The following OPHN1 variants were observed in gnomAD, a reference collection of about 807,000 sequenced individuals.
The protein encoded by OPHN1 is oligophrenin-1.
In OPHN1, 11 loss-of-function variants were observed where a neutral mutation model predicts 60.7. The observed-to-expected ratio is 0.18, with a 90% CI of 0.11 to 0.30. OPHN1 has a LOEUF of 0.30. Ranked by LOEUF, OPHN1 falls within the 10% of genes least tolerant of loss-of-function variation. The probability of loss-of-function intolerance (pLI) is 1.00; values close to 1 mark genes in which losing one functional copy is unlikely to be tolerated. For synonymous variants in OPHN1, 226 were observed against 222.6 expected (o/e 1.02, Z -0.14); for missense variants, 449 against 611.0 (o/e 0.73, Z 2.80).
At chrX:68,314,545 AAAAAAT>A (rs1362312099) in intron 2 of OPHN1, among the ~76,000 whole-genome samples, 3 of 111,159 alleles carry the variant, frequency 2.7e-5, no homozygotes, top group African/African-American at 9.8e-5. Context: ...TCCCAACCAA[AAAAAAT>A]AAAAATAAAA....
At chrX:68,087,685 C>T (rs1277842502) in intron 19 of OPHN1, among the ~76,000 whole-genome samples, 1 of 111,960 alleles carries the variant, frequency 8.9e-6, no homozygotes, top group African/African-American at 3.2e-5. Context: ...TACAAAAAAA[C>T]ATTTTGCCTT....
At chrX:68,116,192 C>T (rs1335404637) in intron 16 of OPHN1, among the ~76,000 whole-genome samples, 1 of 111,167 alleles carries the variant, frequency 9.0e-6, no homozygotes, top group Non-Finnish European at 1.9e-5. Context: ...CCTAAAAGGG[C>T]ACCTGGCTCT....
chrX:68,270,145 T>C (rs1451960026), intron 5 of OPHN1, among the ~76,000 whole-genome samples: 1 of 111,309 alleles, frequency 9.0e-6, no homozygotes, highest in Non-Finnish European at 1.9e-5. Flanking sequence ...TTGGTGGGAC[T>C]GTAAACTAGT....
intron 10 of OPHN1, 143 bp downstream of exon 10, chrX:68,206,430 A>G: frequency 2.0e-6 from 1 of 507,832 alleles, no homozygotes; most frequent in Admixed American, 2.8e-5. Context: ...TCTGACTCAA[A>G]CTTAGGCCAA....
At chrX:68,420,275 A>G (rs2078820383) in intron 2 of OPHN1, among the ~76,000 whole-genome samples, 1 of 112,146 alleles carries the variant, frequency 8.9e-6, no homozygotes, top group Non-Finnish European at 1.9e-5. Context: ...AAGGGAATAA[A>G]AACAATGGGG....
At chrX:68,109,650 T>C (rs1011765289) in intron 18 of OPHN1, among the ~76,000 whole-genome samples, 5 of 111,907 alleles carry the variant, frequency 4.5e-5, no homozygotes, top group African/African-American at 1.6e-4. Context: ...TAAATGTGTG[T>C]GTATTCTTAC....
At chrX:68,101,199 G>A (rs1302626676) in intron 18 of OPHN1, among the ~76,000 whole-genome samples, 2 of 112,076 alleles carry the variant, frequency 1.8e-5, no homozygotes, top group African/African-American at 6.5e-5. Flanking sequence ...GTACCACTAA[G>A]AAAGAAAAGT....
chrX:68,187,270 G>T (rs1446726279), intron 15 of OPHN1, among the ~76,000 whole-genome samples: 1 of 111,616 alleles, frequency 9.0e-6, no homozygotes, highest in Admixed American at 9.5e-5. Flanking sequence ...GGAGAATTAA[G>T]GTTACAGATA....
At chrX:68,052,286 T>A in intron 23 of OPHN1, among the ~76,000 whole-genome samples, 1 of 61,158 alleles carries the variant, frequency 1.6e-5, no homozygotes, top group Non-Finnish European at 2.6e-5. Context: ...TGAGACACCA[T>A]CTCAAAAAAA....
At chrX:68,409,119 TC>T (rs916285281) in intron 2 of OPHN1, among the ~76,000 whole-genome samples, 3 of 112,465 alleles carry the variant, frequency 2.7e-5, no homozygotes, top group African/African-American at 9.7e-5. Flanking sequence ...AACTTTCATT[TC>T]CATGATCTCA....
At chrX:68,318,575 A>G (rs2147657666) in intron 2 of OPHN1, among the ~76,000 whole-genome samples, 1 of 112,704 alleles carries the variant, frequency 8.9e-6, no homozygotes, top group South Asian at 3.6e-4. Flanking sequence ...CAAAGAGAGT[A>G]CAGTTCCCAT....
chrX:68,376,788 C>G (rs1431756358), intron 2 of OPHN1, among the ~76,000 whole-genome samples: 1 of 111,649 alleles, frequency 9.0e-6, no homozygotes, highest in Non-Finnish European at 1.9e-5. Context: ...ATGAAAAATT[C>G]AATTACCACT....
chrX:68,377,450 C>A (rs1250290784), intron 2 of OPHN1, among the ~76,000 whole-genome samples: 1 of 104,848 alleles, frequency 9.5e-6, no homozygotes, highest in East Asian at 2.9e-4. Context: ...TATTATTATA[C>A]CTTAAGTTCT....
At chrX:68,175,619 CAA>C (rs953512306) in intron 15 of OPHN1, among the ~76,000 whole-genome samples, 11 of 111,278 alleles carry the variant, frequency 9.9e-5, no homozygotes, top group Non-Finnish European at 2.1e-4. Context: ...CAAGTAACTT[CAA>C]AAGTCTACCC....
At position 68,222,744 on chromosome X, in the gene OPHN1, C is replaced by A. The variant is rs184067397; in HGVS notation, c.487-8772G>T. Among the ~76,000 whole-genome samples, 316 of 88,737 alleles carry A rather than the reference C, an allele frequency of 3.6e-3. 1 individual carries two copies. Among genetic ancestry groups the A allele is most frequent in the African/African-American group, 0.011 (254 of 22,864 alleles). The allele number at this position is 88,737 out of a possible 115,157, so 77.1% of individuals were successfully genotyped here. On this transcript the variant is annotated intron_variant, in intron 6 of 24. Transcript: ENST00000355520. Reference sequence around the variant, plus strand: ...ATTGAACAATGAGATCACATGGACACAGGAAGAGGAGTATCACACTCTGGG... The same window carrying A: ...ATTGAACAATGAGATCACATGGACAAAGGAAGAGGAGTATCACACTCTGGG...
At chrX:68,317,247 C>G (rs1028373212) in intron 2 of OPHN1, among the ~76,000 whole-genome samples, 2 of 103,616 alleles carry the variant, frequency 1.9e-5, no homozygotes, top group Admixed American at 2.2e-4. Context: ...CTGCAGTGAA[C>G]CCTGATGGTG....
Position 68,052,543 on chromosome X carries a change from C to A in OPHN1, c.2372G>T (p.Gly791Val). ...TTTTGTCACCTCCATATCTTACCTT[C>A]CTGTTTTCCGGGAAGCTGTTTCAAA... ...RFFETASRKT[G>V]SSQGRLPGDE... The change falls in exon 23 of 25, where the codon GGA becomes GTA. Residue 791 changes from glycine (G) to valine (V), a missense_variant. This residue lies in a region of OPHN1 where 184 missense variants were observed against 160.5 expected (regional missense o/e 1.15). Transcript: ENST00000355520. 1 of 1,205,791 alleles carries A rather than the reference C, an allele frequency of 8.3e-7. No individual in the cohort carries two copies. Among genetic ancestry groups the A allele is most frequent in the Non-Finnish European group, 1.1e-6 (1 of 892,191 alleles).
At chrX:68,064,311 C>A in intron 20 of OPHN1, 134 bp from the exon 21 acceptor site, 1 of 546,302 alleles carries the variant, frequency 1.8e-6, no homozygotes, top group Non-Finnish European at 3.0e-6. Flanking sequence ...TGGCACAAAC[C>A]AACTATATCC....
intron 3 of OPHN1, among the ~76,000 whole-genome samples, chrX:68,296,555 G>T (rs1203842581): frequency 1.9e-5 from 2 of 107,488 alleles, no homozygotes; most frequent in African/African-American, 6.8e-5. Context: ...CTACTCGGGA[G>T]GCTCAGGCAG....
Sources: gnomAD v4.1 joint callset for allele counts (sites outside exome capture counted in the v4.1 genomes callset) on GRCh38, gnomAD v4.1.1 for gene constraint, gnomAD v4.1.1 regional missense constraint, MANE v1.5 for transcripts, NCBI Gene and HGNC (gene_info 2026-07-23, HGNC 2026-07-21) for gene names.